The following ADGRL3 variants were observed in gnomAD, a reference collection of about 807,000 sequenced individuals.
The protein encoded by ADGRL3 is adhesion G protein-coupled receptor L3, also known as calcium-independent alpha-latrotoxin receptor 3.
Under a neutral mutation model 153.5 loss-of-function variants are expected in ADGRL3, and 62 were observed. The ratio of observed to expected loss-of-function variants is 0.40; its 90% CI spans 0.33 to 0.50. ADGRL3 has a LOEUF of 0.50. Ranked by LOEUF, ADGRL3 falls within the 20% of genes least tolerant of loss-of-function variation. The pLI is 0.47. For missense variants in ADGRL3, 1,641 were observed against 1,859.4 expected (o/e 0.88, Z 2.16); for synonymous variants, 710 against 672.5 (o/e 1.06, Z -0.86).
At chr4:61,482,714 A>G (rs2098143814) in intron 2 of ADGRL3, among the ~76,000 whole-genome samples, 1 of 152,192 alleles carries the variant, frequency 6.6e-6, no homozygotes, top group African/African-American at 2.4e-5. Context: ...AGGAAATGTT[A>G]TAATTATTAA....
rs1024206931 is a variant in ADGRL3, at chr4:62,076,125, G to A, written c.*5217G>A. On this transcript the variant is annotated 3_prime_UTR_variant, in exon 27 of 27. Transcript: ENST00000683033. ...TAAAACAGGTAGTTAATATAGTTTCGCATAATCTCATTGAAAGATATTGCT... is the reference window on the plus strand; with the variant it reads ...TAAAACAGGTAGTTAATATAGTTTCACATAATCTCATTGAAAGATATTGCT... The A allele has an allele frequency of 1.1e-4, 17 of 151,756 alleles. No homozygotes were observed. Among genetic ancestry groups the A allele is most frequent in the African/African-American group, 3.4e-4 (14 of 41,328 alleles). 9.4% of individuals were successfully genotyped at this position (151,756 alleles called of 1,614,324 possible).
At chr4:61,851,398 A>T (rs1443857959) in intron 9 of ADGRL3, among the ~76,000 whole-genome samples, 1 of 151,880 alleles carries the variant, frequency 6.6e-6, no homozygotes, top group South Asian at 2.1e-4. Flanking sequence ...ACCTGCCTGG[A>T]CAGCATAACG....
chr4:61,898,590 G>A (rs1269433183), intron 11 of ADGRL3, among the ~76,000 whole-genome samples: 2 of 152,010 alleles, frequency 1.3e-5, no homozygotes, highest in East Asian at 1.9e-4. Flanking sequence ...AGCCTGCCGG[G>A]AAGACTGGAA....
chr4:61,825,005 A>G (rs1283956086), intron 9 of ADGRL3, among the ~76,000 whole-genome samples: 1 of 152,158 alleles, frequency 6.6e-6, no homozygotes. Context: ...TAAAAGGCAT[A>G]TGCTTCTTAG....
At chr4:61,211,900 GAC>G (rs1740207204) in intron 1 of ADGRL3, 1 of 152,228 alleles carries the variant, frequency 6.6e-6, no homozygotes, top group East Asian at 1.9e-4. Context: ...GGGAGAGCTG[GAC>G]ACAGGTTTGC....
intron 14 of ADGRL3, 94 bp downstream of exon 14, chr4:61,935,117 A>G (rs2098832748): frequency 7.9e-6 from 8 of 1,007,088 alleles, no homozygotes; most frequent in Non-Finnish European, 1.0e-5. Context: ...GATATGAGTG[A>G]TGCTTTATTT....
At position 62,070,110 on chromosome 4, in the gene ADGRL3, G is replaced by A. The variant is rs1399842358; in HGVS notation, c.3834G>A (p.Lys1278=). The change falls in exon 27 of 27, where the codon AAG becomes AAA. Residue 1278 remains lysine, a splice_region_variant and synonymous_variant. Transcript: ENST00000683033. ...ATAGTATCTTGTAATCTTTTTCAGA[G>A]GGGCTTCTGAACAATGCCAGGGATA... ...SLNREPYRET[K]GLLNNARDTS... is the part of the protein sequence containing the mutation. The A allele has an allele frequency of 6.2e-7, 1 of 1,608,426 alleles. No individual in the cohort carries two copies. Among genetic ancestry groups the A allele is most frequent in the Admixed American group, 1.7e-5 (1 of 59,258 alleles).
intron 2 of ADGRL3, among the ~76,000 whole-genome samples, chr4:61,398,928 C>G (rs1234824468): frequency 6.6e-6 from 1 of 151,620 alleles, no homozygotes; most frequent in Non-Finnish European, 1.5e-5. Flanking sequence ...CCCACAACCC[C>G]CACCAAAACA....
intron 1 of ADGRL3, among the ~76,000 whole-genome samples, chr4:61,203,912 A>C (rs546215175): frequency 3.2e-4 from 5 of 15,842 alleles, no homozygotes; most frequent in African/African-American, 1.0e-3. Context: ...TGTTTCACCC[A>C]ATCTTTTTTT....
At chr4:61,867,515 C>CATAT (rs3065826) in intron 9 of ADGRL3, among the ~76,000 whole-genome samples, 6,400 of 80,940 alleles carry the variant, frequency 0.079, 699 homozygotes, top group African/African-American at 0.1. Flanking sequence ...AATATATATG[C>CATAT]ATATATATAT....
intron 2 of ADGRL3, among the ~76,000 whole-genome samples, chr4:61,424,482 G>T (rs1211647864): frequency 6.6e-6 from 1 of 152,116 alleles, no homozygotes; most frequent in East Asian, 1.9e-4. Context: ...ATGATTATCA[G>T]GGCCCAACGT....
At chr4:61,428,921 C>T (rs919450272) in intron 2 of ADGRL3, among the ~76,000 whole-genome samples, 89 of 151,196 alleles carry the variant, frequency 5.9e-4, no homozygotes, top group African/African-American at 2.1e-3. Context: ...ATCTATCTAT[C>T]TATCTATCTA....
chr4:61,218,259 A>G (rs772972465), intron 1 of ADGRL3, among the ~76,000 whole-genome samples: 2 of 152,122 alleles, frequency 1.3e-5, no homozygotes, highest in Non-Finnish European at 2.9e-5. Flanking sequence ...AGAAGATACT[A>G]TATTTAGAAT....
intron 17 of ADGRL3, among the ~76,000 whole-genome samples, chr4:61,950,426 T>G (rs2098942597): frequency 6.6e-6 from 1 of 152,186 alleles, no homozygotes; most frequent in Non-Finnish European, 1.5e-5. Context: ...GTGAAGAACA[T>G]TTCAATCAGA....
intron 2 of ADGRL3, among the ~76,000 whole-genome samples, chr4:61,458,317 C>T (rs1274266019): frequency 2.0e-5 from 3 of 150,960 alleles, no homozygotes; most frequent in African/African-American, 7.3e-5. Context: ...TTTTAAATGT[C>T]AGCTAAATGG....
Position 61,557,453 on chromosome 4 carries a change from A to G in ADGRL3, c.260-29774A>G, listed in dbSNP as rs115946187. ...AATTGCTGGAATCCATAGACTCACT[A>G]TGTAGTTTTAGTAAAAATAAAGCAG... is the stretch of plus-strand genomic sequence containing the variant. On this transcript the variant is annotated intron_variant, in intron 4 of 26. Coordinates refer to ENST00000683033, the MANE Select transcript of ADGRL3 (RefSeq NM_001387552.1). Among the ~76,000 whole-genome samples the G allele has an allele frequency of 2.6e-3, 398 of 152,282 alleles. 3 individuals carry two copies. The highest frequency in any genetic ancestry group is 8.3e-3 in the African/African-American group (344 of 41,576).
intron 1 of ADGRL3, among the ~76,000 whole-genome samples, chr4:61,330,120 T>A (rs74825446): frequency 0.015 from 2,316 of 152,298 alleles, 76 homozygotes; most frequent in African/African-American, 0.053. Flanking sequence ...AATTGAAGTT[T>A]TCTTTTTTAT....
chr4:62,068,107 A>T, intron 25 of ADGRL3, 59 bp from the exon 26 acceptor site: 2 of 1,177,084 alleles, frequency 1.7e-6, no homozygotes, highest in Non-Finnish European at 2.4e-6. Flanking sequence ...TGTTTCTTCT[A>T]CTGTCGCTGT....
intron 4 of ADGRL3, among the ~76,000 whole-genome samples, chr4:61,539,906 TG>T (rs1322518149): frequency 6.6e-6 from 1 of 152,140 alleles, no homozygotes; most frequent in Non-Finnish European, 1.5e-5. Flanking sequence ...CTTCTTCCCA[TG>T]GGCTGTCTGA....
Sources: allele counts gnomAD v4.1 joint callset (sites outside exome capture counted in the v4.1 genomes callset), GRCh38; gene constraint gnomAD v4.1.1; transcripts MANE v1.5; gene names NCBI Gene and HGNC (gene_info 2026-07-23, HGNC 2026-07-21).